The following DPP6 variants were observed in gnomAD, a reference collection of about 807,000 sequenced individuals.
DPP6 encodes A-type potassium channel modulatory protein DPP6.
In DPP6, 69 loss-of-function variants were observed where a neutral mutation model predicts 122.6. That is an observed-to-expected ratio of 0.56 (90% CI 0.46 to 0.69). The LOEUF is 0.69. Among genes scored for constraint, DPP6 ranks in the 30% least tolerant of loss-of-function variants. The pLI is 0.00. For synonymous variants in DPP6, 418 were observed against 433.1 expected (o/e 0.97, Z 0.43); for missense variants, 928 against 1,116.9 (o/e 0.83, Z 2.41).
At chr7:154,599,404 C>CAA (rs531171241) in intron 5 of DPP6, among the ~76,000 whole-genome samples, 3 of 152,134 alleles carry the variant, frequency 2.0e-5, no homozygotes, top group African/African-American at 7.2e-5. Flanking sequence ...ATGGAGAAAA[C>CAA]GTGGCTCAGG....
intron 1 of DPP6, among the ~76,000 whole-genome samples, chr7:153,937,991 G>C (rs538710130): frequency 6.6e-6 from 1 of 152,296 alleles, no homozygotes; most frequent in South Asian, 2.1e-4. Context: ...CAGGTGCTAC[G>C]AGGGCTGTCC....
chr7:154,468,160 A>G (rs1381606531), intron 2 of DPP6, among the ~76,000 whole-genome samples: 1 of 152,238 alleles, frequency 6.6e-6, no homozygotes, highest in Non-Finnish European at 1.5e-5. Flanking sequence ...ACGTATTACA[A>G]CATGGATGAA....
At chr7:154,459,281 T>C (rs773389235) in intron 2 of DPP6, among the ~76,000 whole-genome samples, 1 of 152,218 alleles carries the variant, frequency 6.6e-6, no homozygotes, top group Non-Finnish European at 1.5e-5. Context: ...TTAGCATGCC[T>C]ATTCTCGTAG....
intron 1 of DPP6, among the ~76,000 whole-genome samples, chr7:154,010,874 A>G (rs897689374): frequency 1.2e-4 from 18 of 152,200 alleles, no homozygotes; most frequent in African/African-American, 3.6e-4. Context: ...CCCTTGAAGA[A>G]TGGTATTTGG....
At chr7:154,599,637 A>C (rs1738656275) in intron 5 of DPP6, among the ~76,000 whole-genome samples, 1 of 151,986 alleles carries the variant, frequency 6.6e-6, no homozygotes, top group African/African-American at 2.4e-5. Context: ...CGTCATTTAC[A>C]TTAGGTATAT....
chr7:154,790,626 G>C (rs937517970), intron 10 of DPP6, among the ~76,000 whole-genome samples: 1 of 151,988 alleles, frequency 6.6e-6, no homozygotes, highest in Non-Finnish European at 1.5e-5. Context: ...TTGAAGCACC[G>C]TATAGAATTA....
chr7:154,164,256 C>G (rs2150714096), intron 1 of DPP6, among the ~76,000 whole-genome samples: 1 of 135,614 alleles, frequency 7.4e-6, no homozygotes, highest in Admixed American at 7.6e-5. Flanking sequence ...GCCTCCTTCT[C>G]TTTCCCTCTC....
intron 10 of DPP6, among the ~76,000 whole-genome samples, chr7:154,786,432 G>A (rs1294127109): frequency 6.6e-6 from 1 of 152,142 alleles, no homozygotes; most frequent in Non-Finnish European, 1.5e-5. Context: ...GAGGGACTTT[G>A]TGGGAGGTAA....
At chr7:154,781,675 A>G (rs1038203267) in intron 10 of DPP6, among the ~76,000 whole-genome samples, 2 of 152,194 alleles carry the variant, frequency 1.3e-5, no homozygotes, top group African/African-American at 2.4e-5. Flanking sequence ...GGTGCCCTCT[A>G]TTAAAGCACA....
chr7:154,220,060 C>T (rs1800217085), intron 1 of DPP6, among the ~76,000 whole-genome samples: 1 of 152,188 alleles, frequency 6.6e-6, no homozygotes, highest in Non-Finnish European at 1.5e-5. Context: ...ACTAGAGTTC[C>T]AAAATCCGGT....
At chr7:154,774,176 A>G (rs893562042) in intron 10 of DPP6, among the ~76,000 whole-genome samples, 1 of 152,128 alleles carries the variant, frequency 6.6e-6, no homozygotes. Flanking sequence ...CCTGGCCCCC[A>G]GCAGCTGGTC....
intron 4 of DPP6, among the ~76,000 whole-genome samples, chr7:154,555,670 C>A (rs549089482): frequency 6.6e-6 from 1 of 151,706 alleles, no homozygotes; most frequent in South Asian, 2.1e-4. Flanking sequence ...CTAATAAGAA[C>A]ATATCTTAAT....
At chr7:153,912,889 G>A (rs1314875122) in intron 1 of DPP6, among the ~76,000 whole-genome samples, 1 of 152,074 alleles carries the variant, frequency 6.6e-6, no homozygotes, top group African/African-American at 2.4e-5. Flanking sequence ...TCTAACTTAA[G>A]AAAAATAGTA....
chr7:154,523,282 A>G (rs942324174), intron 3 of DPP6, among the ~76,000 whole-genome samples: 6 of 152,236 alleles, frequency 3.9e-5, no homozygotes, highest in African/African-American at 1.2e-4. Flanking sequence ...TAGAAAACAT[A>G]TTTCAGTGAA....
intron 1 of DPP6, among the ~76,000 whole-genome samples, chr7:154,419,916 C>A (rs76907151): frequency 6.6e-6 from 1 of 152,140 alleles, no homozygotes; most frequent in East Asian, 1.9e-4. Flanking sequence ...GCACCATTCA[C>A]GGCAGCCGAG....
intron 1 of DPP6, among the ~76,000 whole-genome samples, chr7:154,015,702 C>T (rs956055618): frequency 6.6e-6 from 1 of 152,082 alleles, no homozygotes; most frequent in African/African-American, 2.4e-5. Context: ...CAAAATATAC[C>T]CCTAATCCAT....
intron 1 of DPP6, among the ~76,000 whole-genome samples, chr7:154,054,199 G>C (rs11977795): frequency 0.034 from 5,134 of 152,182 alleles, 293 homozygotes; most frequent in African/African-American, 0.12. Flanking sequence ...GACATACCCA[G>C]GGCAGTACAT....
intron 1 of DPP6, among the ~76,000 whole-genome samples, chr7:153,988,922 C>G (rs1353106371): frequency 6.7e-6 from 1 of 149,296 alleles, no homozygotes; most frequent in Non-Finnish European, 1.5e-5. Context: ...GCCAGCGCGC[C>G]GGGAGTGGTG....
At chr7:154,576,243 T>C (rs1831662779) in intron 5 of DPP6, among the ~76,000 whole-genome samples, 1 of 152,046 alleles carries the variant, frequency 6.6e-6, no homozygotes, top group East Asian at 1.9e-4. Context: ...TCAGGGCGCA[T>C]CTCCGTCTGC....
Sources: allele counts gnomAD v4.1 joint callset (sites outside exome capture counted in the v4.1 genomes callset), GRCh38; gene constraint gnomAD v4.1.1; transcripts MANE v1.5; gene names NCBI Gene and HGNC (gene_info 2026-07-23, HGNC 2026-07-21).